WDR33: variants seen among roughly 807,000 people sequenced by gnomAD.
The protein encoded by WDR33 is pre-mRNA 3' end processing protein WDR33.
In WDR33, 47 loss-of-function variants were observed where a neutral mutation model predicts 164.9. The observed-to-expected ratio is 0.29, with a 90% CI of 0.23 to 0.36. WDR33 has a LOEUF of 0.36. Ranked by LOEUF, WDR33 falls within the 10% of genes least tolerant of loss-of-function variation. The pLI, the probability that WDR33 is intolerant of heterozygous loss-of-function variation, is 1.00. For synonymous variants in WDR33, 505 were observed against 589.0 expected, an observed-to-expected ratio of 0.86 and a Z score of 2.06; for missense variants, 1,137 against 1,754.1, an observed-to-expected ratio of 0.65 and a Z score of 6.28.
chr2:127,759,835 G>A (rs1404681297), intron 7 of WDR33, among the ~76,000 whole-genome samples: 1 of 152,114 alleles, frequency 6.6e-6, no homozygotes, highest in Admixed American at 6.5e-5. Context: ...GAGCCCAGGA[G>A]TTTGAGACCA....
intron 1 of WDR33, among the ~76,000 whole-genome samples, 200 bp from the exon 2 acceptor site, chr2:127,771,204 T>C (rs1378172579): frequency 6.6e-6 from 1 of 152,196 alleles, no homozygotes; most frequent in South Asian, 2.1e-4. Flanking sequence ...ATTTCATCAC[T>C]GTACAAACTT....
At chr2:127,776,336 C>T (rs146983958) in intron 1 of WDR33, among the ~76,000 whole-genome samples, 90 of 152,272 alleles carry the variant, frequency 5.9e-4, no homozygotes, top group African/African-American at 2.1e-3. Flanking sequence ...CTGTTTAATC[C>T]ACCCCCGCAC....
Position 127,716,855 on chromosome 2 carries a change from C to T in WDR33, c.2869+300G>A, listed in dbSNP as rs997840043. 1.3e-5 allele frequency among the ~76,000 whole-genome samples: 2 copies of T among 152,240 alleles called. No homozygotes were observed. The highest frequency in any genetic ancestry group is 2.9e-5 in the Non-Finnish European group (2 of 68,042). ...AGGGTGCTACAAACACACACTTGCA[C>T]TCAGTGAGCACAGGAACCACCTGCA... On this transcript the variant is annotated intron_variant, in intron 17 of 21. Coordinates refer to ENST00000322313, the MANE Select transcript of WDR33 (RefSeq NM_018383.5). The surrounding 1 kb of genome is among the most constrained non-coding windows in gnomAD (Gnocchi z 4.5).
At position 127,709,279 on chromosome 2, in the gene WDR33, T is replaced by G. The variant is rs1016894689; in HGVS notation, c.3565+211A>C. ...TGGAAAGAGCAGTCCCGTTTTATAC[T>G]CAGATAGATCCCTGTAATGTCTGGC... On this transcript the variant is annotated intron_variant, in intron 20 of 21. Coordinates refer to ENST00000322313, the MANE Select transcript of WDR33 (RefSeq NM_018383.5). This position sits in a 1 kb window ranked among gnomAD's most constrained non-coding sequence, Gnocchi z 5.0. Among the ~76,000 whole-genome samples, 15 of 152,212 alleles carry G rather than the reference T, an allele frequency of 9.9e-5. No individual in the cohort carries two copies. The highest frequency in any genetic ancestry group is 3.4e-4 in the African/African-American group (14 of 41,446).
intron 1 of WDR33, among the ~76,000 whole-genome samples, chr2:127,791,208 C>T (rs887592057): frequency 7.8e-6 from 1 of 128,662 alleles, no homozygotes; most frequent in African/African-American, 2.9e-5. Flanking sequence ...ACCCAGGCTG[C>T]AAGACAGTGG....
At chr2:127,707,783 G>A (rs1045813801) in intron 21 of WDR33, among the ~76,000 whole-genome samples, 28 of 152,318 alleles carry the variant, frequency 1.8e-4, no homozygotes, top group African/African-American at 6.3e-4. Flanking sequence ...TAGCCAACAT[G>A]GCAAAAGCCC....
At chr2:127,789,937 G>T (rs1688787096) in intron 1 of WDR33, among the ~76,000 whole-genome samples, 1 of 152,078 alleles carries the variant, frequency 6.6e-6, no homozygotes, top group South Asian at 2.1e-4. Flanking sequence ...CCAGGCTCAA[G>T]CAATCCTTTC....
Position 127,763,695 on chromosome 2 carries a change from T to C in WDR33, c.627-536A>G. The C allele has an allele frequency of 1.0e-6, 1 of 985,774 alleles. No homozygotes were observed. Among genetic ancestry groups the C allele is most frequent in the Non-Finnish European group, 1.2e-6 (1 of 830,184 alleles). The allele number at this position is 985,774 out of a possible 1,614,324, so 61.1% of individuals were successfully genotyped here. A position where few individuals can be genotyped will look rare whatever the true frequency, so the allele number is the denominator to read the frequency against. On this transcript the variant is annotated intron_variant, in intron 6 of 21. Coordinates refer to ENST00000322313, the MANE Select transcript of WDR33 (RefSeq NM_018383.5). The surrounding 1 kb of genome is among the most constrained non-coding windows in gnomAD (Gnocchi z 4.5). Reference sequence around the variant, plus strand: ...TCTGTAGAAAAGTTTCACATCTTCCTGGCAAGCTATTCCATGAATGTTGCA... The same window carrying C: ...TCTGTAGAAAAGTTTCACATCTTCCCGGCAAGCTATTCCATGAATGTTGCA...
At chr2:127,725,351 G>A in intron 8 of WDR33, 136 bp from the exon 9 acceptor site, 1 of 819,006 alleles carries the variant, frequency 1.2e-6, no homozygotes, top group Non-Finnish European at 1.9e-6. Context: ...AACATTAAAG[G>A]ATCACAGTTA....
chr2:127,778,155 G>C (rs71343624), intron 1 of WDR33, among the ~76,000 whole-genome samples: 6,686 of 152,174 alleles, frequency 0.044, 222 homozygotes, highest in Middle Eastern at 0.085. Flanking sequence ...AAAATTATTG[G>C]CTGGGTGCAG....
rs761213531 is a variant in WDR33, at chr2:127,719,639, G to T, written c.2386C>A (p.Pro796Thr). 38 of 1,613,844 alleles carry T rather than the reference G, an allele frequency of 2.4e-5. No homozygotes were observed. The South Asian group carries it at 3.6e-4, about 15-fold the overall frequency. Reference sequence around the variant, plus strand: ...CCCATAATCATCCCTTGGGGAGCAGGACCCTGGTTCTCCCGGGGGCCTGGA... The same window carrying T: ...CCCATAATCATCCCTTGGGGAGCAGTACCCTGGTTCTCCCGGGGGCCTGGA... ...GPPGPRENQG[P>T]APQGMIMGHP... The change falls in exon 16 of 22, where the codon CCT (proline) becomes ACT (threonine). Residue 796 changes from proline to threonine, a missense_variant. Pro to Thr is a conservative substitution (Grantham distance 38). Around this residue, in one of 9 missense-constraint regions of WDR33, gnomAD observed 867 missense variants for 1,073.0 expected, o/e 0.81. Coordinates refer to ENST00000322313, the MANE Select transcript of WDR33 (RefSeq NM_018383.5). This position sits in a 1 kb window ranked among gnomAD's most constrained non-coding sequence, Gnocchi z 6.5.
rs1441301170 is a variant in WDR33, at chr2:127,711,768, A to ATTTTTTTTTT, written c.3308+1814_3308+1815insAAAAAAAAAA. Among the ~76,000 whole-genome samples the ATTTTTTTTTT allele has an allele frequency of 6.8e-4, 48 of 70,234 alleles. 2 individuals carry two copies. Among genetic ancestry groups the ATTTTTTTTTT allele is most frequent in the African/African-American group, 4.4e-3 (40 of 8,996 alleles). 46.1% of individuals were successfully genotyped at this position (70,234 alleles called of 152,430 possible). On this transcript the variant is annotated intron_variant, in intron 18 of 21. Coordinates refer to ENST00000322313, the MANE Select transcript of WDR33 (RefSeq NM_018383.5). ...CATATACAGATATATATATATATATATATATATATATATTTTTTTTTTGAG... is the reference window on the plus strand; with the variant it reads ...CATATACAGATATATATATATATATATTTTTTTTTTTATATATATATATTTTTTTTTTGAG...
chr2:127,763,169 G>T lies in WDR33; in HGVS notation c.627-10C>A. On this transcript the variant is annotated splice_polypyrimidine_tract_variant and intron_variant, in intron 6 of 21. Coordinates refer to ENST00000322313, the MANE Select transcript of WDR33 (RefSeq NM_018383.5). The surrounding 1 kb of genome is among the most constrained non-coding windows in gnomAD (Gnocchi z 4.5). ...ATCCGTGGGTGAGAAACTGTTACAT[G>T]AAGACACACAGCAGGGGAAAGAAGT... The T allele has an allele frequency of 6.2e-7, 1 of 1,613,964 alleles. No homozygotes were observed. Among genetic ancestry groups the T allele is most frequent in the Non-Finnish European group, 8.5e-7 (1 of 1,179,850 alleles).
chr2:127,799,937 A>G (rs954903261), intron 1 of WDR33, among the ~76,000 whole-genome samples: 1 of 152,182 alleles, frequency 6.6e-6, no homozygotes, highest in Non-Finnish European at 1.5e-5. Context: ...AACACTTCAC[A>G]TCCACTGGGA....
At position 127,764,753 on chromosome 2, in the gene WDR33, G is replaced by A. The variant is rs1178643502; in HGVS notation, c.626+75C>T. 4 of 1,614,166 alleles carry A rather than the reference G, an allele frequency of 2.5e-6. No homozygotes were observed. The highest frequency in any genetic ancestry group is 1.1e-5 in the South Asian group (1 of 91,084). On this transcript the variant is annotated intron_variant, in intron 6 of 21. Transcript: ENST00000322313. This position sits in a 1 kb window ranked among gnomAD's most constrained non-coding sequence, Gnocchi z 6.2. ...AAACTGACAGAGCCCATGCATCTCT[G>A]CACCCAGAATACACTTAGAGAATAA...
Position 127,711,755 on chromosome 2 carries a change from T to TATATATATAGATATAGATAGATAG in WDR33, c.3308+1827_3308+1828insCTATCTATCTATATCTATATATAT, listed in dbSNP as rs1558919276. 6.3e-4 allele frequency among the ~76,000 whole-genome samples: 47 copies of TATATATATAGATATAGATAGATAG among 74,194 alleles called. 1 individual carries two copies. Among genetic ancestry groups the TATATATATAGATATAGATAGATAG allele is most frequent in the African/African-American group, 5.6e-3 (44 of 7,866 alleles). The allele number at this position is 74,194 out of a possible 152,430, so 48.7% of individuals were successfully genotyped here. ...CCTAACTCAACCACATATACAGATA[T>TATATATATAGATATAGATAGATAG]ATATATATATATATATATATATATA... is the stretch of plus-strand genomic sequence containing the variant. On this transcript the variant is annotated intron_variant, in intron 18 of 21. Transcript: ENST00000322313.
In WDR33 at chr2:127,807,069, A is replaced by G. The variant is rs532124350; in HGVS notation, c.-24+3943T>C. 6.8e-4 allele frequency among the ~76,000 whole-genome samples: 103 copies of G among 152,200 alleles called. 1 individual carries two copies. Among genetic ancestry groups the G allele is most frequent in the Non-Finnish European group, 1.2e-3 (84 of 68,016 alleles). On this transcript the variant is annotated intron_variant, in intron 1 of 21. Transcript: ENST00000322313. ...TGCCCAGGCTGAAGTACAATGCGCA[A>G]TCTCAGCTCACTGCAACCTCCGCCT...
At chr2:127,746,330 C>T (rs1053216821) in intron 7 of WDR33, among the ~76,000 whole-genome samples, 2 of 152,120 alleles carry the variant, frequency 1.3e-5, no homozygotes, top group Non-Finnish European at 2.9e-5. Context: ...CAATAATCTC[C>T]TCCCATAAAT....
At chr2:127,747,956 A>G (rs1687214137) in intron 7 of WDR33, among the ~76,000 whole-genome samples, 1 of 152,214 alleles carries the variant, frequency 6.6e-6, no homozygotes, top group Non-Finnish European at 1.5e-5. Flanking sequence ...GAACGTCAAT[A>G]TCAAAAGTAG....
Sources: gnomAD v4.1 joint callset for allele counts (sites outside exome capture counted in the v4.1 genomes callset) on GRCh38, gnomAD v4.1.1 for gene constraint, gnomAD v4.1.1 regional missense constraint, Gnocchi (gnomAD v3.1) non-coding constraint, MANE v1.5 for transcripts, NCBI Gene and HGNC (gene_info 2026-07-23, HGNC 2026-07-21) for gene names.